The following DAPK1 variants were observed in gnomAD, a reference collection of about 807,000 sequenced individuals.
DAPK1 encodes the protein death-associated protein kinase 1.
In DAPK1, 56 loss-of-function variants were observed where a neutral mutation model predicts 144.9. The ratio of observed to expected loss-of-function variants is 0.39; its 90% confidence interval spans 0.31 to 0.48. The LOEUF is 0.48. Among genes scored for constraint, DAPK1 ranks in the 20% least tolerant of loss-of-function variants. DAPK1 has a pLI of 0.95. For missense variants in DAPK1, 1,454 were observed against 1,875.4 expected (o/e 0.78, Z 4.15); for synonymous variants, 690 against 749.0 (o/e 0.92, Z 1.29).
intron 2 of DAPK1, among the ~76,000 whole-genome samples, chr9:87,562,048 A>T (rs73652038): frequency 1.3e-5 from 2 of 152,188 alleles, no homozygotes; most frequent in Non-Finnish European, 1.5e-5. Context: ...ACCCCAGAGC[A>T]TGGAGAAGAG....
intron 2 of DAPK1, among the ~76,000 whole-genome samples, chr9:87,520,372 A>G (rs894508676): frequency 6.6e-6 from 1 of 152,192 alleles, no homozygotes; most frequent in Non-Finnish European, 1.5e-5. Context: ...AGGCTGTGAA[A>G]GGACCTTGGA....
upstream of DAPK1, chr9:87,497,773 G>A (rs995707360): frequency 3.5e-5 from 12 of 342,940 alleles, no homozygotes; most frequent in Non-Finnish European, 6.3e-5. Flanking sequence ...CAGCTCGGAG[G>A]TGGGTGGGCC....
intron 25 of DAPK1, among the ~76,000 whole-genome samples, chr9:87,704,360 A>G (rs916717230): frequency 6.6e-6 from 1 of 152,140 alleles, no homozygotes; most frequent in Non-Finnish European, 1.5e-5. Flanking sequence ...AGTCTCCTTT[A>G]TTTGTCATTA....
chr9:87,661,629 T>C (rs1386964376), intron 18 of DAPK1, among the ~76,000 whole-genome samples: 2 of 152,176 alleles, frequency 1.3e-5, no homozygotes, highest in Non-Finnish European at 2.9e-5. Flanking sequence ...TTTTGAAAAA[T>C]GTCTCTTCAT....
chr9:87,644,032 T>C (rs1054291570), intron 11 of DAPK1, among the ~76,000 whole-genome samples: 2 of 152,152 alleles, frequency 1.3e-5, no homozygotes, highest in African/African-American at 2.4e-5. Flanking sequence ...GCTTGCATGA[T>C]TGGCCTGGTG....
Position 87,570,088 on chromosome 9 carries a change from C to G in DAPK1, c.63-34866C>G, listed in dbSNP as rs184964059. ...ACACCTTATCTTGAAGTTTGCATAA[C>G]TGAGTCACTTTCTATTTTTTTTTAA... On this transcript the variant is annotated intron_variant, in intron 2 of 25. Coordinates refer to ENST00000408954, the MANE Select transcript of DAPK1 (RefSeq NM_004938.4). Among the ~76,000 whole-genome samples the G allele has an allele frequency of 1.1e-3, 162 of 152,080 alleles. 1 individual carries two copies. Among genetic ancestry groups the G allele is most frequent in the Non-Finnish European group, 1.6e-3 (107 of 68,008 alleles).
At chr9:87,536,506 A>G (rs927505952) in intron 2 of DAPK1, among the ~76,000 whole-genome samples, 1 of 152,218 alleles carries the variant, frequency 6.6e-6, no homozygotes, top group Non-Finnish European at 1.5e-5. Flanking sequence ...AAAATCTGCA[A>G]GTCATGTGGG....
At chr9:87,693,117 T>A (rs1000786752) in intron 21 of DAPK1, among the ~76,000 whole-genome samples, 1 of 151,558 alleles carries the variant, frequency 6.6e-6, no homozygotes, top group African/African-American at 2.4e-5. Context: ...GATTTCCAAA[T>A]CTTTTGCCAA....
rs376551067 is a variant in DAPK1 at position 87,658,146 on chromosome 9, T to G, written c.1923+19T>G. ...GACCACGGTGAGTGCCCACAGGGCT[T>G]CGTGAAGGAGGGAGCTGCTGGGAGC... On this transcript the variant is annotated intron_variant, in intron 18 of 25. Transcript: ENST00000408954. 2.9e-6 allele frequency: 3 copies of G among 1,038,106 alleles called. No individual in the cohort carries two copies. In the Admixed American group the frequency reaches 5.4e-5, roughly 19 times the overall value. The allele number at this position is 1,038,106 out of a possible 1,614,324, so 64.3% of individuals were successfully genotyped here.
At chr9:87,568,876 A>G (rs1215988543) in intron 2 of DAPK1, among the ~76,000 whole-genome samples, 4 of 152,180 alleles carry the variant, frequency 2.6e-5, no homozygotes, top group East Asian at 1.9e-4. Flanking sequence ...TAAAGAACTC[A>G]TTTCTTGTCC....
intron 3 of DAPK1, 39 bp from the exon 4 acceptor site, chr9:87,637,902 AAC>A: frequency 6.2e-7 from 1 of 1,603,044 alleles, no homozygotes; most frequent in Non-Finnish European, 8.5e-7. Flanking sequence ...ATCAATATGA[AAC>A]AGAGTTGTTA....
At chr9:87,602,957 A>G (rs1332496473) in intron 2 of DAPK1, among the ~76,000 whole-genome samples, 1 of 140,182 alleles carries the variant, frequency 7.1e-6, no homozygotes, top group Non-Finnish European at 1.5e-5. Flanking sequence ...TCAGCTTTTT[A>G]GTTTTGAATT....
At chr9:87,576,125 G>A (rs1827546438) in intron 2 of DAPK1, among the ~76,000 whole-genome samples, 1 of 152,212 alleles carries the variant, frequency 6.6e-6, no homozygotes, top group African/African-American at 2.4e-5. Flanking sequence ...AAACTTGGGT[G>A]GACTTTGATG....
chr9:87,551,140 T>G (rs1826468143), intron 2 of DAPK1, among the ~76,000 whole-genome samples: 1 of 145,100 alleles, frequency 6.9e-6, no homozygotes, highest in South Asian at 2.2e-4. Context: ...TCATCACATC[T>G]ATTAATTTGA....
intron 3 of DAPK1, chr9:87,632,052 G>A (rs903620444): frequency 5.1e-6 from 4 of 777,338 alleles, no homozygotes; most frequent in Non-Finnish European, 4.7e-6. Context: ...AGGAGGATGA[G>A]TATATATGTA....
chr9:87,679,040 G>A (rs1395988915), intron 19 of DAPK1, among the ~76,000 whole-genome samples: 1 of 152,054 alleles, frequency 6.6e-6, no homozygotes, highest in Non-Finnish European at 1.5e-5. Context: ...GTAAGTGAGC[G>A]CCTCCCAGGA....
chr9:87,627,481 C>T (rs1215890084), intron 3 of DAPK1, among the ~76,000 whole-genome samples: 1 of 152,064 alleles, frequency 6.6e-6, no homozygotes, highest in Admixed American at 6.5e-5. Context: ...GCCCAGCCAC[C>T]CACCCCCTTT....
At position 87,649,931 on chromosome 9, in the gene DAPK1, C is replaced by T. The variant is rs1187652943; in HGVS notation, c.1439C>T (p.Thr480Ile). Reference sequence around the variant, plus strand: ...CGTCTCCTTGGCCAGGAAGAAGAAACCCCCCTGCACTGTGCTGCTTGGCAC... The same window carrying T: ...CGTCTCCTTGGCCAGGAAGAAGAAATCCCCCTGCACTGTGCTGCTTGGCAC... ...NPNIQDKEEETPLHCAAWHGY... is the reference protein window; with the variant it reads ...NPNIQDKEEEIPLHCAAWHGY... Residue 480 changes from threonine to isoleucine, a missense_variant, in exon 16 of 26, where the codon ACC becomes ATC. By Grantham distance (89) the Thr-to-Ile change is moderately conservative (BLOSUM62 -1). Around this residue, in one of 2 missense-constraint regions of DAPK1, gnomAD observed 429 missense variants for 637.5 expected, o/e 0.67. Coordinates refer to ENST00000408954, the MANE Select transcript of DAPK1 (RefSeq NM_004938.4). 2 of 1,613,830 alleles carry T rather than the reference C, an allele frequency of 1.2e-6. No homozygotes were observed. The highest frequency in any genetic ancestry group is 1.7e-6 in the Non-Finnish European group (2 of 1,179,820).
chr9:87,675,621 A>T (rs1824338430), intron 19 of DAPK1, among the ~76,000 whole-genome samples: 1 of 151,784 alleles, frequency 6.6e-6, no homozygotes, highest in South Asian at 2.1e-4. Flanking sequence ...TAGGTTTAGG[A>T]ATTCTCCCGG....
Sources: gnomAD v4.1 joint callset for allele counts (sites outside exome capture counted in the v4.1 genomes callset) on GRCh38, gnomAD v4.1.1 for gene constraint, gnomAD v4.1.1 regional missense constraint, MANE v1.5 for transcripts, NCBI Gene and HGNC (gene_info 2026-07-23, HGNC 2026-07-21) for gene names.